The following PPARGC1A variants were observed in gnomAD, a reference collection of about 807,000 sequenced individuals.
The protein encoded by PPARGC1A is peroxisome proliferator-activated receptor gamma coactivator 1-alpha.
A neutral mutation model predicts 88.7 loss-of-function variants in PPARGC1A; 25 were observed. That is an observed-to-expected ratio of 0.28 (90% CI 0.21 to 0.39). PPARGC1A has a LOEUF of 0.39. Among genes scored for constraint, PPARGC1A ranks in the 10% least tolerant of loss-of-function variants. The pLI, the probability that PPARGC1A is intolerant of heterozygous loss-of-function variation, is 1.00. For missense variants in PPARGC1A, 880 were observed against 968.7 expected (o/e 0.91, Z 1.22); for synonymous variants, 363 against 355.6 (o/e 1.02, Z -0.24).
At chr4:23,975,432 T>C in the PPARGC1A span, among the ~76,000 whole-genome samples, 1 of 136,824 alleles carries the variant, frequency 7.3e-6, no homozygotes, top group East Asian at 2.2e-4. Flanking sequence ...TTTTTTTTTT[T>C]CCTGAGACAG....
At chr4:24,007,106 A>G in the PPARGC1A span, among the ~76,000 whole-genome samples, 3 of 152,176 alleles carry the variant, frequency 2.0e-5, no homozygotes, top group Non-Finnish European at 4.4e-5. Flanking sequence ...GTAATTGTGT[A>G]TCATAAAATT....
the PPARGC1A span, among the ~76,000 whole-genome samples, chr4:24,222,597 T>A: frequency 6.6e-6 from 1 of 152,228 alleles, no homozygotes; most frequent in Admixed American, 6.5e-5. Context: ...TCAAACTCCC[T>A]AAGAGAAATT....
intron 12 of PPARGC1A, among the ~76,000 whole-genome samples, chr4:23,796,396 G>A (rs1198693114): frequency 6.6e-6 from 1 of 152,166 alleles, no homozygotes; most frequent in Non-Finnish European, 1.5e-5. Context: ...TTTGAGGCAG[G>A]AGGGGACATA....
At chr4:24,055,679 G>C in the PPARGC1A span, among the ~76,000 whole-genome samples, 1 of 152,244 alleles carries the variant, frequency 6.6e-6, no homozygotes, top group East Asian at 1.9e-4. Flanking sequence ...AACTTCAGTT[G>C]GGAGAGCTTC....
At chr4:24,002,772 C>T in the PPARGC1A span, among the ~76,000 whole-genome samples, 1 of 152,244 alleles carries the variant, frequency 6.6e-6, no homozygotes, top group South Asian at 2.1e-4. Flanking sequence ...TTAAATGCCA[C>T]TGTTTCACTG....
the PPARGC1A span, among the ~76,000 whole-genome samples, chr4:23,922,924 G>T: frequency 1.5e-3 from 226 of 152,270 alleles, 5 homozygotes; most frequent in East Asian, 0.021. Context: ...ATGGGGCAAG[G>T]TTCAAGGAAG....
At chr4:24,089,582 C>T in the PPARGC1A span, among the ~76,000 whole-genome samples, 2 of 148,322 alleles carry the variant, frequency 1.3e-5, no homozygotes, top group South Asian at 4.2e-4. Flanking sequence ...GCGATCTCGG[C>T]TCACTGCAAG....
the PPARGC1A span, among the ~76,000 whole-genome samples, chr4:24,210,288 T>C: frequency 3.3e-4 from 50 of 152,332 alleles, no homozygotes. Context: ...AAATATAAAG[T>C]TGTTTTCTTA....
chr4:24,253,414 T>A, the PPARGC1A span, among the ~76,000 whole-genome samples: 3 of 152,230 alleles, frequency 2.0e-5, no homozygotes, highest in Admixed American at 2.0e-4. Context: ...AAAGTTTGAA[T>A]TCATATATAC....
At chr4:24,204,232 T>C in the PPARGC1A span, among the ~76,000 whole-genome samples, 3 of 152,204 alleles carry the variant, frequency 2.0e-5, no homozygotes, top group African/African-American at 7.2e-5. Context: ...GGGGCTTTTC[T>C]GCTAAGACAG....
chr4:24,372,898 C>T, the PPARGC1A span, among the ~76,000 whole-genome samples: 2 of 152,186 alleles, frequency 1.3e-5, no homozygotes, highest in Non-Finnish European at 2.9e-5. Context: ...GTTCTGTGCT[C>T]ACAGAGGAGA....
At chr4:24,213,751 G>A in the PPARGC1A span, among the ~76,000 whole-genome samples, 1,781 of 152,320 alleles carry the variant, frequency 0.012, 17 homozygotes, top group Non-Finnish European at 0.02. Flanking sequence ...AACACAGAAG[G>A]AGAGAGAAAA....
chr4:24,289,152 G>A, the PPARGC1A span, among the ~76,000 whole-genome samples: 6 of 150,278 alleles, frequency 4.0e-5, no homozygotes, highest in South Asian at 4.2e-4. Flanking sequence ...CCCGGGAGGC[G>A]GAGGTTGCGG....
the PPARGC1A span, among the ~76,000 whole-genome samples, chr4:24,035,310 C>T: frequency 2.6e-5 from 4 of 151,954 alleles, no homozygotes; most frequent in South Asian, 2.1e-4. Flanking sequence ...GAGGCTGGGG[C>T]GGGCAGATCC....
the PPARGC1A span, among the ~76,000 whole-genome samples, chr4:24,317,555 TAAAAAAAAAAAAAAAAAAAAAAAAAA>T: frequency 8.1e-4 from 18 of 22,224 alleles, no homozygotes; most frequent in South Asian, 2.9e-3. Context: ...TTCAGAGGAC[TAAAAAAAAAAAAAAAAAAAAAAAAAA>T]AAAAAAAAAA....
At chr4:24,175,680 G>A in the PPARGC1A span, among the ~76,000 whole-genome samples, 2 of 151,310 alleles carry the variant, frequency 1.3e-5, no homozygotes, top group African/African-American at 4.9e-5. Context: ...GAGCCACTGC[G>A]CCCAGTCGAT....
At chr4:23,955,923 C>T in the PPARGC1A span, among the ~76,000 whole-genome samples, 146,965 of 152,142 alleles carry the variant, frequency 0.97, 71,179 homozygotes, top group East Asian at 1. Flanking sequence ...CCGTAAAGAG[C>T]CAGATTGCAA....
chr4:24,421,696 C>T, the PPARGC1A span, among the ~76,000 whole-genome samples: 1 of 152,222 alleles, frequency 6.6e-6, no homozygotes, highest in African/African-American at 2.4e-5. Flanking sequence ...CCTTCCTCAG[C>T]CACTGCCTCC....
chr4:24,084,957 GA>G, the PPARGC1A span, among the ~76,000 whole-genome samples: 1 of 152,146 alleles, frequency 6.6e-6, no homozygotes. Flanking sequence ...CATAAAATTA[GA>G]AAAGGTCAGT....
Sources: gnomAD v4.1 joint callset for allele counts (sites outside exome capture counted in the v4.1 genomes callset) on GRCh38, gnomAD v4.1.1 for gene constraint, MANE v1.5 for transcripts, NCBI Gene and HGNC (gene_info 2026-07-23, HGNC 2026-07-21) for gene names.